The following ELAVL4 variants were observed in gnomAD, a reference collection of about 807,000 sequenced individuals.
The protein encoded by ELAVL4 is ELAV like RNA binding protein 4.
A neutral mutation model predicts 35.6 loss-of-function variants in ELAVL4; 1 was observed. The ratio of observed to expected loss-of-function variants is 0.03; its 90% CI spans 0.01 to 0.13. The LOEUF is 0.13. Ranked by LOEUF, ELAVL4 falls within the 10% of genes least tolerant of loss-of-function variation. The probability of loss-of-function intolerance (pLI) is 1.00; values close to 1 mark genes in which losing one functional copy is unlikely to be tolerated. For missense variants in ELAVL4, 267 were observed against 464.9 expected (o/e 0.57, Z 3.91); for synonymous variants, 156 against 171.0 (o/e 0.91, Z 0.69).
At chr1:50,145,616 G>C (rs547698139) in intron 2 of ELAVL4, among the ~76,000 whole-genome samples, 2 of 152,240 alleles carry the variant, frequency 1.3e-5, no homozygotes, top group South Asian at 4.1e-4. Flanking sequence ...GTTTTAAAGG[G>C]GGCCACTGTG....
At chr1:50,103,916 C>G (rs964883527), upstream of ELAVL4, 7 of 1,613,176 alleles carry the variant, frequency 4.3e-6, no homozygotes, top group Admixed American at 1.2e-4. Flanking sequence ...CTCAGTCTGA[C>G]TTGGAGTTTT....
At chr1:50,132,392 G>T (rs2148642026) in intron 1 of ELAVL4, among the ~76,000 whole-genome samples, 1 of 152,332 alleles carries the variant, frequency 6.6e-6, no homozygotes, top group East Asian at 1.9e-4. Flanking sequence ...GGGAGCTTTT[G>T]TCCAAGTGCA....
chr1:50,167,004 G>T (rs1678046916), intron 2 of ELAVL4, among the ~76,000 whole-genome samples: 1 of 152,282 alleles, frequency 6.6e-6, no homozygotes, highest in Non-Finnish European at 1.5e-5. Flanking sequence ...CAAAAATTTT[G>T]CTAGTGGATC....
chr1:50,158,165 C>T (rs1309022316), intron 2 of ELAVL4, among the ~76,000 whole-genome samples: 1 of 152,132 alleles, frequency 6.6e-6, no homozygotes, highest in African/African-American at 2.4e-5. Flanking sequence ...AGAACAACAC[C>T]TGGCATATAG....
chr1:50,149,735 G>T (rs1246451408), intron 2 of ELAVL4, among the ~76,000 whole-genome samples: 2 of 151,862 alleles, frequency 1.3e-5, no homozygotes, highest in Non-Finnish European at 1.5e-5. Context: ...GTAGAGACAG[G>T]GTTTCACCAT....
intron 3 of ELAVL4, 72 bp downstream of exon 3, chr1:50,177,264 C>A: frequency 8.4e-7 from 1 of 1,193,880 alleles, no homozygotes; most frequent in Non-Finnish European, 1.2e-6. Context: ...CTGGTAAATC[C>A]AGGCTATGTG....
At chr1:50,078,880 T>C (rs921877420) in intron 1 of ELAVL4, among the ~76,000 whole-genome samples, 1 of 152,148 alleles carries the variant, frequency 6.6e-6, no homozygotes, top group African/African-American at 2.4e-5. Context: ...GCTGTTTATG[T>C]TTGTGATGCT....
At chr1:50,168,701 T>A (rs1325949496) in intron 2 of ELAVL4, among the ~76,000 whole-genome samples, 1 of 152,064 alleles carries the variant, frequency 6.6e-6, no homozygotes, top group Non-Finnish European at 1.5e-5. Context: ...ATCAGGAGTA[T>A]CAAATTCATT....
At chr1:50,131,716 G>A (rs1670886103) in intron 1 of ELAVL4, among the ~76,000 whole-genome samples, 1 of 152,058 alleles carries the variant, frequency 6.6e-6, no homozygotes, top group South Asian at 2.1e-4. Context: ...CTTGAACCTA[G>A]GAGGCGGAGG....
In ELAVL4 at chr1:50,161,161, C is replaced by T. The variant is rs1002111707; in HGVS notation, c.251-15928C>T. Among the ~76,000 whole-genome samples, 5 of 152,232 alleles carry T rather than the reference C, an allele frequency of 3.3e-5. No homozygotes were observed. In the East Asian group the frequency reaches 7.7e-4, roughly 24 times the overall value. On this transcript the variant is annotated intron_variant, in intron 2 of 6. Transcript: ENST00000371824. ...ATGTCTTGTCTATCTGACACCCAGA[C>T]CTTTGTTTCATGTGAGAGTAAGCCA...
intron 3 of ELAVL4, chr1:50,180,356 T>A (rs1254303097): frequency 6.6e-6 from 1 of 152,172 alleles, no homozygotes; most frequent in East Asian, 1.9e-4. Flanking sequence ...TTAAGGATGT[T>A]GAATCAGTAT....
rs1644375153 is a variant in ELAVL4, at chr1:50,201,164, G to A, written c.1087G>A (p.Ala363Thr). The A allele has an allele frequency of 6.3e-7, 1 of 1,585,798 alleles. No individual in the cohort carries two copies. The highest frequency in any genetic ancestry group is 8.6e-7 in the Non-Finnish European group (1 of 1,167,118). Residue 363 changes from alanine (A) to threonine (T), a missense_variant, in exon 7 of 7, where the codon GCC (alanine) becomes ACC (threonine). Coordinates refer to ENST00000371824, the MANE Select transcript of ELAVL4 (RefSeq NM_001144774.3). This position sits in a 1 kb window ranked among gnomAD's most constrained non-coding sequence, Gnocchi z 4.3. ...VLQVSFKTNK[A>T]HKS ...GCAAGTTTCCTTTAAAACCAACAAA[G>A]CCCACAAGTCCTGAATTTCCCATTC...
At chr1:50,158,817 G>A (rs1329212451) in intron 2 of ELAVL4, among the ~76,000 whole-genome samples, 1 of 152,150 alleles carries the variant, frequency 6.6e-6, no homozygotes, top group Non-Finnish European at 1.5e-5. Flanking sequence ...AAGGCGGGTG[G>A]ATCACGAGGT....
intron 1 of ELAVL4, among the ~76,000 whole-genome samples, chr1:50,134,694 A>G (rs1042995983): frequency 1.3e-5 from 2 of 152,318 alleles, no homozygotes; most frequent in South Asian, 4.1e-4. Context: ...GTATTTATTT[A>G]CTGGCCATTT....
intron 1 of ELAVL4, among the ~76,000 whole-genome samples, chr1:50,128,175 A>C (rs1269913178): frequency 6.6e-6 from 1 of 152,166 alleles, no homozygotes; most frequent in African/African-American, 2.4e-5. Flanking sequence ...TGTGGAGATG[A>C]AGAAACAAAG....
intron 2 of ELAVL4, among the ~76,000 whole-genome samples, chr1:50,171,141 A>G (rs1678931507): frequency 6.6e-6 from 1 of 152,170 alleles, no homozygotes; most frequent in Admixed American, 6.5e-5. Context: ...GCTTGCAGGA[A>G]ATAAGCCAAG....
chr1:50,186,971 T>C (rs1681926798), intron 3 of ELAVL4, among the ~76,000 whole-genome samples: 1 of 152,214 alleles, frequency 6.6e-6, no homozygotes, highest in Non-Finnish European at 1.5e-5. Flanking sequence ...CAATCAAAGC[T>C]GCGGTTTCCA....
intron 1 of ELAVL4, among the ~76,000 whole-genome samples, chr1:50,066,042 G>A (rs1664247215): frequency 1.3e-5 from 2 of 152,202 alleles, no homozygotes; most frequent in Admixed American, 1.3e-4. Flanking sequence ...CCAGATACAG[G>A]AGTGGGGAAA....
chr1:50,125,661 G>A (rs1453214741), intron 1 of ELAVL4, among the ~76,000 whole-genome samples: 1 of 152,040 alleles, frequency 6.6e-6, no homozygotes, highest in Non-Finnish European at 1.5e-5. Context: ...GTTCCAGGAG[G>A]GTCAGGAGGA....
Sources: allele counts gnomAD v4.1 joint callset (sites outside exome capture counted in the v4.1 genomes callset), GRCh38; gene constraint gnomAD v4.1.1; non-coding constraint Gnocchi (gnomAD v3.1); transcripts MANE v1.5; gene names NCBI Gene and HGNC (gene_info 2026-07-23, HGNC 2026-07-21).